The following DUSP12 variants were observed in gnomAD, a reference collection of about 807,000 sequenced individuals.
DUSP12 encodes the protein dual specificity protein phosphatase 12.
Under a neutral mutation model 38.9 loss-of-function variants are expected in DUSP12, and 25 were observed. The ratio of observed to expected loss-of-function variants is 0.64; its 90% CI spans 0.47 to 0.90. The LOEUF (loss-of-function observed/expected upper bound fraction) is 0.90, where lower values mean the gene tolerates loss of function less well. Ranked by LOEUF, DUSP12 falls within the 40% of genes least tolerant of loss-of-function variation. The pLI, the probability that DUSP12 is intolerant of heterozygous loss-of-function variation, is 0.00. For synonymous variants in DUSP12, 153 were observed against 153.9 expected (o/e 0.99, Z 0.05); for missense variants, 403 against 427.0 (o/e 0.94, Z 0.50).
chr1:161,751,930 T>G lies in DUSP12; in HGVS notation c.523T>G (p.Ser175Ala), dbSNP rs781606452. The G allele has an allele frequency of 2.5e-6, 4 of 1,613,172 alleles. No homozygotes were observed. The highest frequency in any genetic ancestry group is 3.4e-6 in the Non-Finnish European group (4 of 1,179,636). Residue 175 changes from serine (S) to alanine (A), a missense_variant, in exon 3 of 6, where the codon TCT (serine) becomes GCT (alanine). Transcript: ENST00000367943. ...YQAMGYEVDT[S>A]SAIYKQYRLQ... is the part of the protein sequence containing the mutation. ...GGCAATGGGATACGAAGTGGATACC[T>G]CTAGTGCAATTTATAAGCAATATCG...
At chr1:161,753,975 TAAAA>T (rs542151639) in intron 5 of DUSP12, among the ~76,000 whole-genome samples, 1 of 152,042 alleles carries the variant, frequency 6.6e-6, no homozygotes, top group African/African-American at 2.4e-5. Context: ...GGTAGGGAAA[TAAAA>T]AAAGAATGCA....
At chr1:161,754,590 G>A (rs1164794018) in intron 5 of DUSP12, among the ~76,000 whole-genome samples, 1 of 152,178 alleles carries the variant, frequency 6.6e-6, no homozygotes, top group African/African-American at 2.4e-5. Flanking sequence ...AGGGAAAGCA[G>A]GCCACTTCTT....
In DUSP12 at chr1:161,756,892, G is replaced by C. The variant is rs774068979; in HGVS notation, c.968G>C (p.Arg323Thr). ...ITPAFQIHKN[R>T]VDEMKILPVL... ...CCTGCTTTTCAAATACATAAGAATA[G>C]AGTGGATGAAATGAAAATATTGCCT... Residue 323 changes from arginine to threonine, a missense_variant, in exon 6 of 6, where the codon AGA becomes ACA. Transcript: ENST00000367943. 1.2e-6 allele frequency: 2 copies of C among 1,613,354 alleles called. No homozygotes were observed. The highest frequency in any genetic ancestry group is 1.7e-6 in the Non-Finnish European group (2 of 1,179,464).
chr1:161,756,690 C>T (rs1008588713), intron 5 of DUSP12, 96 bp from the exon 6 acceptor site: 11 of 1,379,994 alleles, frequency 8.0e-6, no homozygotes, highest in African/African-American at 4.3e-5. Flanking sequence ...ACGTGGGGAT[C>T]GTGTCTTGTT....
At chr1:161,752,121 T>A in intron 3 of DUSP12, 137 bp downstream of exon 3, 1 of 754,114 alleles carries the variant, frequency 1.3e-6, no homozygotes, top group Non-Finnish European at 2.2e-6. Context: ...AATAACCTAT[T>A]CAAAATCACA....
chr1:161,752,951 C>T, intron 4 of DUSP12, 124 bp from the exon 5 acceptor site: 1 of 970,302 alleles, frequency 1.0e-6, no homozygotes, highest in Non-Finnish European at 1.5e-6. Context: ...GATCACGCCA[C>T]TGCACTCTAG....
chr1:161,754,245 T>C (rs1012927690), intron 5 of DUSP12, among the ~76,000 whole-genome samples: 9 of 152,204 alleles, frequency 5.9e-5, no homozygotes, highest in African/African-American at 1.9e-4. Context: ...TATTCACGTG[T>C]TGTGCATGAG....
In DUSP12 at chr1:161,757,015, A is replaced by T; in HGVS notation, c.*68A>T. On this transcript the variant is annotated 3_prime_UTR_variant, in exon 6 of 6. Transcript: ENST00000367943. ...GTGCTGCCTTTGCTTCTTATCATTC[A>T]TGGCAGATTGTTTGTGCTTTCAACA... The T allele has an allele frequency of 7.0e-7, 1 of 1,437,726 alleles. No individual in the cohort carries two copies. The highest frequency in any genetic ancestry group is 9.5e-7 in the Non-Finnish European group (1 of 1,057,660). 89.1% of individuals were successfully genotyped at this position (1,437,726 alleles called of 1,614,324 possible).
intron 1 of DUSP12, 127 bp downstream of exon 1, chr1:161,750,272 C>T: frequency 9.8e-7 from 1 of 1,019,422 alleles, no homozygotes; most frequent in Non-Finnish European, 1.4e-6. Context: ...CTCCCGCTGC[C>T]TCCCGCAGGA....
At chr1:161,751,378 G>GTCTCTTTT in intron 1 of DUSP12, 1 of 229,268 alleles carries the variant, frequency 4.4e-6, no homozygotes, top group Non-Finnish European at 8.5e-6. Flanking sequence ...TCAGGCGTAG[G>GTCTCTTTT]TAAGCCACTG....
chr1:161,757,099 C>T lies in DUSP12; in HGVS notation c.*152C>T, dbSNP rs1684122338. On this transcript the variant is annotated 3_prime_UTR_variant, in exon 6 of 6. Transcript: ENST00000367943. ...GATGTAACCTGGAAACTATGCTTTA[C>T]ATGGCAATCAAAGCCTTTTGATCAT... 2 of 678,036 alleles carry T rather than the reference C, an allele frequency of 2.9e-6. No individual in the cohort carries two copies. The highest frequency in any genetic ancestry group is 2.6e-5 in the South Asian group (1 of 38,880). The allele number at this position is 678,036 out of a possible 1,614,324, so 42.0% of individuals were successfully genotyped here. A position where few individuals can be genotyped will look rare whatever the true frequency, so the allele number is the denominator to read the frequency against.
At chr1:161,755,110 G>A (rs12728760) in intron 5 of DUSP12, among the ~76,000 whole-genome samples, 19,320 of 152,122 alleles carry the variant, frequency 0.13, 2,218 homozygotes, top group African/African-American at 0.3. Flanking sequence ...GATTACAGGC[G>A]TGAGCCACCA....
intron 1 of DUSP12, 95 bp from the exon 2 acceptor site, chr1:161,751,573 G>A (rs1283616926): frequency 3.4e-6 from 5 of 1,465,436 alleles, no homozygotes; most frequent in Non-Finnish European, 4.6e-6. Flanking sequence ...AATGAAGTGG[G>A]CCTAAACTTT....
chr1:161,755,382 G>C, intron 5 of DUSP12, among the ~76,000 whole-genome samples: 1 of 151,952 alleles, frequency 6.6e-6, no homozygotes, highest in East Asian at 1.9e-4. Context: ...GGAATTCCTG[G>C]CTCGAAGAAT....
rs1278675494 is a variant in DUSP12, at chr1:161,750,000, A to C, written c.199A>C (p.Lys67Gln). Residue 67 changes from lysine to glutamine, a missense_variant, in exon 1 of 6, where the codon AAG becomes CAG. Lys to Gln is a moderately conservative substitution (Grantham distance 53, BLOSUM62 1). Coordinates refer to ENST00000367943, the MANE Select transcript of DUSP12 (RefSeq NM_007240.3). ...AGTGGACTCGGAGGAGCCCAGCTTC[A>C]AGGCGGGGCCTGGGGTCGAGGATCT... ...LTVDSEEPSF[K>Q]AGPGVEDLWR... 6.2e-7 allele frequency: 1 copy of C among 1,613,896 alleles called. No homozygotes were observed. The highest frequency in any genetic ancestry group is 8.5e-7 in the Non-Finnish European group (1 of 1,179,968).
chr1:161,752,569 A>G lies in DUSP12; in HGVS notation c.674+105A>G, dbSNP rs577087952. 2.3e-5 allele frequency: 17 copies of G among 752,992 alleles called. No homozygotes were observed. The African/African-American group carries it at 2.6e-4, about 12-fold the overall frequency. The allele number at this position is 752,992 out of a possible 1,614,324, so 46.6% of individuals were successfully genotyped here. A position where few individuals can be genotyped will look rare whatever the true frequency, so the allele number is the denominator to read the frequency against. On this transcript the variant is annotated intron_variant, in intron 4 of 5. Coordinates refer to ENST00000367943, the MANE Select transcript of DUSP12 (RefSeq NM_007240.3). Reference sequence around the variant, plus strand: ...TCTGTAGGAAGATTTTGTTTAATTGAAATTTTTAGTTCAGATCTGTTTTCA... The same window carrying G: ...TCTGTAGGAAGATTTTGTTTAATTGGAATTTTTAGTTCAGATCTGTTTTCA...
At position 161,753,395 on chromosome 1, in the gene DUSP12, T is replaced by TA. The variant is rs1684058609; in HGVS notation, c.861+135dup. 4 of 748,852 alleles carry TA rather than the reference T, an allele frequency of 5.3e-6. No homozygotes were observed. The East Asian group carries it at 1.3e-4, about 24-fold the overall frequency. 46.4% of individuals were successfully genotyped at this position (748,852 alleles called of 1,614,324 possible). On this transcript the variant is annotated intron_variant, in intron 5 of 5. Coordinates refer to ENST00000367943, the MANE Select transcript of DUSP12 (RefSeq NM_007240.3). ...TTTATTTCTGAAGATTATATCTTTC[T>TA]AGTGTAGATAAGACTATCAAAAATA...
rs1355208152 is a variant in DUSP12, at chr1:161,750,283, G to A, written c.344+138G>A. On this transcript the variant is annotated intron_variant, in intron 1 of 5. Coordinates refer to ENST00000367943, the MANE Select transcript of DUSP12 (RefSeq NM_007240.3). ...CCTCCTCCCGCTGCCTCCCGCAGGA[G>A]GCGTGTTTCCAAGAGAGGAGGAGGG... The A allele has an allele frequency of 7.6e-6, 7 of 927,066 alleles. No homozygotes were observed. In the East Asian group the frequency reaches 1.9e-4, roughly 25 times the overall value. 57.4% of individuals were successfully genotyped at this position (927,066 alleles called of 1,614,324 possible).
chr1:161,752,019 T>C, intron 3 of DUSP12, 35 bp downstream of exon 3: 2 of 1,350,796 alleles, frequency 1.5e-6, no homozygotes, highest in South Asian at 2.5e-5. Flanking sequence ...ATGGGCTTTC[T>C]AGATGACATT....
Sources: gnomAD v4.1 joint callset for allele counts (sites outside exome capture counted in the v4.1 genomes callset) on GRCh38, gnomAD v4.1.1 for gene constraint, MANE v1.5 for transcripts, NCBI Gene and HGNC (gene_info 2026-07-23, HGNC 2026-07-21) for gene names.